Variants in ZMIZ1 observed in about 807,000 individuals in gnomAD.
ZMIZ1 encodes the protein zinc finger MIZ domain-containing protein 1.
Under a neutral mutation model 113.9 loss-of-function variants are expected in ZMIZ1, and 17 were observed. The observed-to-expected ratio is 0.15, with a 90% CI of 0.10 to 0.22. ZMIZ1 has a LOEUF of 0.22. Among genes scored for constraint, ZMIZ1 ranks in the 10% least tolerant of loss-of-function variants. ZMIZ1 has a pLI of 1.00. For synonymous variants in ZMIZ1, 607 were observed against 603.1 expected, an observed-to-expected ratio of 1.01 and a Z score of -0.09; for missense variants, 1,059 against 1,477.8, an observed-to-expected ratio of 0.72 and a Z score of 4.65.
At position 79,118,231 on chromosome 10, in the gene ZMIZ1, G is replaced by T. The variant is rs114054764; in HGVS notation, c.-336-684G>T. Among the ~76,000 whole-genome samples the T allele has an allele frequency of 1.3e-5, 2 of 152,164 alleles. No homozygotes were observed. The highest frequency in any genetic ancestry group is 1.9e-4 in the East Asian group (1 of 5,190). On this transcript the variant is annotated intron_variant, in intron 1 of 24. Coordinates refer to ENST00000334512, the MANE Select transcript of ZMIZ1 (RefSeq NM_020338.4). The surrounding 1 kb of genome is among the most constrained non-coding windows in gnomAD (Gnocchi z 4.1). Reference sequence around the variant, plus strand: ...TCTAGAATCGAATAGAGGAAGGGATGGGGGGAGGCCTCCTGACTTCAGTCA... The same window carrying T: ...TCTAGAATCGAATAGAGGAAGGGATTGGGGGAGGCCTCCTGACTTCAGTCA...
chr10:79,159,314 C>T (rs1339050389), intron 3 of ZMIZ1, among the ~76,000 whole-genome samples: 3 of 152,230 alleles, frequency 2.0e-5, no homozygotes, highest in Non-Finnish European at 4.4e-5. Flanking sequence ...GGCTGTGGGC[C>T]TCGGCTAAGG....
rs986940854 is a variant in ZMIZ1, at chr10:79,069,714, C to T, written c.-337+444C>T. On this transcript the variant is annotated intron_variant, in intron 1 of 24. Transcript: ENST00000334512. The surrounding 1 kb of genome is among the most constrained non-coding windows in gnomAD (Gnocchi z 4.6). Reference sequence around the variant, plus strand: ...GCGAAGTTGTGCGCCTGTGTGTGTACAGGAACCGCTGGGGAAAGCGCTGGA... The same window carrying T: ...GCGAAGTTGTGCGCCTGTGTGTGTATAGGAACCGCTGGGGAAAGCGCTGGA... 1.3e-5 allele frequency among the ~76,000 whole-genome samples: 2 copies of T among 152,190 alleles called. No individual in the cohort carries two copies. The highest frequency in any genetic ancestry group is 2.9e-5 in the Non-Finnish European group (2 of 68,026).
chr10:79,111,412 G>A (rs907543808), intron 1 of ZMIZ1, among the ~76,000 whole-genome samples: 7 of 152,196 alleles, frequency 4.6e-5, no homozygotes, highest in African/African-American at 1.4e-4. Flanking sequence ...GCAAAAGTTT[G>A]GAATCATTCC....
Position 79,311,033 on chromosome 10 carries a change from C to T in ZMIZ1, c.2945C>T (p.Pro982Leu). The T allele has an allele frequency of 1.2e-6, 2 of 1,613,670 alleles. No homozygotes were observed. Among genetic ancestry groups the T allele is most frequent in the Non-Finnish European group, 1.7e-6 (2 of 1,179,950 alleles). The change falls in exon 24 of 25, where the codon CCT becomes CTT. Residue 982 changes from proline (P) to leucine (L), a missense_variant. Physicochemically the swap from Pro to Leu is moderately conservative, Grantham distance 98. Coordinates refer to ENST00000334512, the MANE Select transcript of ZMIZ1 (RefSeq NM_020338.4). ...CCTCCATTACATCACAGTGGGGCTC[C>T]TCCTCCTCCTCCTTCCCAGCCTCCC... ...SGPPLHHSGA[P>L]PPPPSQPPRQ... is the part of the protein sequence containing the mutation.
chr10:79,081,767 G>T (rs556615222), intron 1 of ZMIZ1, among the ~76,000 whole-genome samples: 54 of 152,374 alleles, frequency 3.5e-4, no homozygotes, highest in African/African-American at 1.2e-3. Flanking sequence ...AGAACTTCTG[G>T]CCTCCTCCTG....
chr10:79,074,086 C>A (rs1244711306), intron 1 of ZMIZ1, among the ~76,000 whole-genome samples: 1 of 152,216 alleles, frequency 6.6e-6, no homozygotes. Flanking sequence ...GATTTAGAAG[C>A]TTTTTCCATC....
intron 7 of ZMIZ1, among the ~76,000 whole-genome samples, chr10:79,236,502 GC>G (rs1849595585): frequency 1.3e-5 from 2 of 152,214 alleles, no homozygotes; most frequent in African/African-American, 2.4e-5. Context: ...CATTCGAGCT[GC>G]CGTTGCCGTC....
chr10:79,157,835 C>T (rs1211657597), intron 3 of ZMIZ1, among the ~76,000 whole-genome samples: 5 of 152,178 alleles, frequency 3.3e-5, no homozygotes, highest in African/African-American at 9.6e-5. Context: ...GGGCCTGTCC[C>T]TGGGGTCATG....
chr10:79,121,462 A>G (rs141330584), intron 2 of ZMIZ1, among the ~76,000 whole-genome samples: 10 of 152,352 alleles, frequency 6.6e-5, no homozygotes, highest in African/African-American at 2.4e-4. Flanking sequence ...TTTCTTGCAA[A>G]TAGAAAGATA....
intron 7 of ZMIZ1, among the ~76,000 whole-genome samples, chr10:79,240,464 G>T (rs913106207): frequency 2.6e-5 from 4 of 152,158 alleles, no homozygotes; most frequent in Non-Finnish European, 4.4e-5. Flanking sequence ...TATTTCTGTA[G>T]ACCGGAGGCG....
intron 3 of ZMIZ1, among the ~76,000 whole-genome samples, chr10:79,142,265 A>G (rs2132418901): frequency 6.6e-6 from 1 of 152,316 alleles, no homozygotes; most frequent in African/African-American, 2.4e-5. Context: ...GAAGGCAGAG[A>G]GAGGTCCCAG....
At chr10:79,160,172 G>T (rs553730857) in intron 3 of ZMIZ1, among the ~76,000 whole-genome samples, 1 of 152,364 alleles carries the variant, frequency 6.6e-6, no homozygotes, top group Non-Finnish European at 1.5e-5. Context: ...GGCAAACGCT[G>T]CCTGTCTCTG....
chr10:79,110,297 A>T (rs1843691131), intron 1 of ZMIZ1, among the ~76,000 whole-genome samples: 1 of 152,212 alleles, frequency 6.6e-6, no homozygotes, highest in Non-Finnish European at 1.5e-5. Flanking sequence ...TGCTCAAATC[A>T]GCGGTATTTG....
At chr10:79,195,145 G>T (rs1564711441) in intron 4 of ZMIZ1, among the ~76,000 whole-genome samples, 1 of 152,242 alleles carries the variant, frequency 6.6e-6, no homozygotes, top group African/African-American at 2.4e-5. Context: ...TTCTCCTCTT[G>T]TGGGGATGGT....
chr10:79,229,500 C>T (rs1849313179), intron 7 of ZMIZ1, among the ~76,000 whole-genome samples: 1 of 152,164 alleles, frequency 6.6e-6, no homozygotes, highest in Admixed American at 6.6e-5. Flanking sequence ...AGGACCCAGT[C>T]TCACCTGTTT....
chr10:79,240,661 TTTTTG>T (rs1439871590), intron 7 of ZMIZ1, among the ~76,000 whole-genome samples: 1 of 145,352 alleles, frequency 6.9e-6, no homozygotes. Context: ...TTTTTTTTTT[TTTTTG>T]CTTACCTGGG....
intron 3 of ZMIZ1, among the ~76,000 whole-genome samples, chr10:79,150,234 T>C (rs1042248912): frequency 4.7e-5 from 7 of 150,098 alleles, no homozygotes; most frequent in Admixed American, 3.3e-4. Flanking sequence ...CAGGAAGCCC[T>C]GCCCAGACAC....
chr10:79,210,384 G>A (rs1848484074), intron 6 of ZMIZ1, among the ~76,000 whole-genome samples: 1 of 152,246 alleles, frequency 6.6e-6, no homozygotes, highest in African/African-American at 2.4e-5. Context: ...TGGGGGACAG[G>A]CCCTGTGCTG....
In ZMIZ1 at chr10:79,314,018, G is replaced by T. The variant is rs1367838693; in HGVS notation, c.*1269G>T. 1.3e-5 allele frequency: 6 copies of T among 456,178 alleles called. No homozygotes were observed. The highest frequency in any genetic ancestry group is 6.2e-5 in the South Asian group (4 of 64,546). 28.3% of individuals were successfully genotyped at this position (456,178 alleles called of 1,614,324 possible). On this transcript the variant is annotated 3_prime_UTR_variant, in exon 25 of 25. Transcript: ENST00000334512. ...TACCTGCAGGCATGGGGGGGAGGGG[G>T]GCGTGTTTCTGGGCCTGCCCCAGAC...
Sources: allele counts gnomAD v4.1 joint callset (sites outside exome capture counted in the v4.1 genomes callset), GRCh38; gene constraint gnomAD v4.1.1; non-coding constraint Gnocchi (gnomAD v3.1); transcripts MANE v1.5; gene names NCBI Gene and HGNC (gene_info 2026-07-23, HGNC 2026-07-21).